PRKAR2B: variants seen among roughly 807,000 people sequenced by gnomAD.
PRKAR2B encodes cAMP-dependent protein kinase type II-beta regulatory subunit.
Under a neutral mutation model 49.9 loss-of-function variants are expected in PRKAR2B, and 14 were observed. That is an observed-to-expected ratio of 0.28 (90% confidence interval 0.19 to 0.44). PRKAR2B has a LOEUF of 0.44. Among genes scored for constraint, PRKAR2B ranks in the 20% least tolerant of loss-of-function variants. The pLI, the probability that PRKAR2B is intolerant of heterozygous loss-of-function variation, is 1.00. For missense variants in PRKAR2B, 393 were observed against 537.9 expected (o/e 0.73, Z 2.67); for synonymous variants, 196 against 197.7 (o/e 0.99, Z 0.07).
chr7:107,092,858 C>A (rs1794756855), intron 2 of PRKAR2B, among the ~76,000 whole-genome samples: 1 of 152,184 alleles, frequency 6.6e-6, no homozygotes, highest in Non-Finnish European at 1.5e-5. Context: ...AACTCCGTAC[C>A]TGTTAAATAC....
chr7:107,054,022 C>G (rs189137991), intron 1 of PRKAR2B, among the ~76,000 whole-genome samples: 77 of 152,216 alleles, frequency 5.1e-4, no homozygotes, highest in Middle Eastern at 3.4e-3. Flanking sequence ...GAAAGAAAGG[C>G]AATTCTTTTG....
chr7:107,111,720 A>G (rs953709741), intron 2 of PRKAR2B, among the ~76,000 whole-genome samples: 1 of 152,014 alleles, frequency 6.6e-6, no homozygotes, highest in Non-Finnish European at 1.5e-5. Flanking sequence ...TTAAACTGTC[A>G]TTTATTCAGA....
rs1327540794 is a variant in PRKAR2B, at chr7:107,124,872, A to C, written c.396+2868A>C. ...AAATTTTTTTTTAACTGAAAAATGC[A>C]CTATTTTCAGAGAGTAAATATTTTA... On this transcript the variant is annotated intron_variant, in intron 3 of 10. Transcript: ENST00000265717. Among the ~76,000 whole-genome samples, 3 of 152,200 alleles carry C rather than the reference A, an allele frequency of 2.0e-5. No homozygotes were observed. In the East Asian group the frequency reaches 5.8e-4, roughly 29 times the overall value.
chr7:107,128,375 T>C (rs1310134573), intron 4 of PRKAR2B, 80 bp downstream of exon 4: 1 of 1,051,978 alleles, frequency 9.5e-7, no homozygotes, highest in Non-Finnish European at 1.4e-6. Flanking sequence ...GGTCTTGAGT[T>C]TTGCCCTCTT....
At chr7:107,083,349 C>A (rs1449012737) in intron 2 of PRKAR2B, among the ~76,000 whole-genome samples, 5 of 151,490 alleles carry the variant, frequency 3.3e-5, no homozygotes, top group Non-Finnish European at 7.4e-5. Context: ...GATTATGAGT[C>A]TTAGTAGTCT....
At chr7:107,055,692 C>A (rs1388206809) in intron 1 of PRKAR2B, among the ~76,000 whole-genome samples, 1 of 152,144 alleles carries the variant, frequency 6.6e-6, no homozygotes, top group Non-Finnish European at 1.5e-5. Context: ...TGTTTGAGTT[C>A]ATTGTAGATT....
chr7:107,093,871 A>G (rs1222225852), intron 2 of PRKAR2B, among the ~76,000 whole-genome samples: 1 of 152,140 alleles, frequency 6.6e-6, no homozygotes, highest in Non-Finnish European at 1.5e-5. Context: ...ATAGTATTCC[A>G]TGGTATATAT....
At chr7:107,129,715 G>A (rs1213531822) in intron 4 of PRKAR2B, among the ~76,000 whole-genome samples, 1 of 152,200 alleles carries the variant, frequency 6.6e-6, no homozygotes, top group African/African-American at 2.4e-5. Flanking sequence ...AGAGCTGCTG[G>A]TTGCCCATTT....
intron 2 of PRKAR2B, among the ~76,000 whole-genome samples, chr7:107,083,505 TTTC>T (rs1243005681): frequency 3.3e-5 from 5 of 152,070 alleles, no homozygotes; most frequent in African/African-American, 1.2e-4. Context: ...TGAAGGGAGT[TTTC>T]TTATTATCTC....
chr7:107,049,061 G>GCCTTAGAAGAATTTCT (rs1329004276), intron 1 of PRKAR2B, among the ~76,000 whole-genome samples: 40 of 152,290 alleles, frequency 2.6e-4, no homozygotes, highest in African/African-American at 8.9e-4. Flanking sequence ...AAGGTTTACG[G>GCCTTAGAAGAATTTCT]TAGGCTATAG....
In PRKAR2B at chr7:107,068,257, T is replaced by C. The variant is rs529860398; in HGVS notation, c.308-2024T>C. Among the ~76,000 whole-genome samples the C allele has an allele frequency of 2.2e-4, 34 of 152,228 alleles. 1 individual carries two copies. In the South Asian group the frequency reaches 6.6e-3, roughly 30 times the overall value. ...AGCTCATAGTCCTGTGGCTTCATCG[T>C]CTAAAGAGGCTGGAGGGGGCAGGGG... On this transcript the variant is annotated intron_variant, in intron 1 of 10. Coordinates refer to ENST00000265717, the MANE Select transcript of PRKAR2B (RefSeq NM_002736.3).
chr7:107,147,243 G>A (rs1277548746), intron 6 of PRKAR2B, among the ~76,000 whole-genome samples: 1 of 152,016 alleles, frequency 6.6e-6, no homozygotes, highest in African/African-American at 2.4e-5. Context: ...CCCGGGAGGC[G>A]GAGCTTGCAG....
At chr7:107,143,540 A>T (rs374767614) in intron 5 of PRKAR2B, among the ~76,000 whole-genome samples, 1 of 152,184 alleles carries the variant, frequency 6.6e-6, no homozygotes, top group Admixed American at 6.5e-5. Context: ...CCCCAAACAC[A>T]TTAGTTTTTA....
intron 2 of PRKAR2B, among the ~76,000 whole-genome samples, chr7:107,109,722 G>A (rs1212467649): frequency 6.6e-6 from 1 of 151,982 alleles, no homozygotes; most frequent in African/African-American, 2.4e-5. Flanking sequence ...ATTTTTTCAT[G>A]GATATTTTCT....
intron 1 of PRKAR2B, among the ~76,000 whole-genome samples, chr7:107,060,913 A>G (rs888980327): frequency 5.9e-5 from 9 of 152,090 alleles, no homozygotes; most frequent in Admixed American, 2.6e-4. Flanking sequence ...TAAGGCTTTA[A>G]TCTATAATTT....
intron 3 of PRKAR2B, among the ~76,000 whole-genome samples, chr7:107,127,597 G>C (rs1317136893): frequency 6.6e-6 from 1 of 152,196 alleles, no homozygotes; most frequent in African/African-American, 2.4e-5. Context: ...TTTTTCCCTG[G>C]AACACATATT....
chr7:107,045,482 C>A (rs1793671195), intron 1 of PRKAR2B, among the ~76,000 whole-genome samples: 1 of 152,230 alleles, frequency 6.6e-6, no homozygotes, highest in South Asian at 2.1e-4. Context: ...TACCCTTTGC[C>A]CCCTCTGCCT....
intron 2 of PRKAR2B, among the ~76,000 whole-genome samples, chr7:107,087,525 C>T (rs1204244079): frequency 6.6e-6 from 1 of 152,118 alleles, no homozygotes; most frequent in Non-Finnish European, 1.5e-5. Flanking sequence ...TTAAGTGCAG[C>T]TCTATATGAC....
chr7:107,115,084 G>A (rs1169458981), intron 2 of PRKAR2B, among the ~76,000 whole-genome samples: 1 of 152,036 alleles, frequency 6.6e-6, no homozygotes, highest in Non-Finnish European at 1.5e-5. Context: ...TTTAGGAATA[G>A]TAATTACATG....
Sources: allele counts gnomAD v4.1 joint callset (sites outside exome capture counted in the v4.1 genomes callset), GRCh38; gene constraint gnomAD v4.1.1; transcripts MANE v1.5; gene names NCBI Gene and HGNC (gene_info 2026-07-23, HGNC 2026-07-21).